Variants in COL9A1 observed in about 807,000 individuals in gnomAD.
COL9A1 encodes collagen type IX alpha 1 chain.
A neutral mutation model predicts 142.6 loss-of-function variants in COL9A1; 104 were observed. The observed-to-expected ratio is 0.73, with a 90% confidence interval of 0.62 to 0.86. The LOEUF (loss-of-function observed/expected upper bound fraction) is 0.86, where lower values mean the gene tolerates loss of function less well. Among genes scored for constraint, COL9A1 ranks in the 40% least tolerant of loss-of-function variants. The pLI, the probability that COL9A1 is intolerant of heterozygous loss-of-function variation, is 0.00. For missense variants in COL9A1, 1,210 were observed against 1,176.6 expected, an observed-to-expected ratio of 1.03 and a Z score of -0.42; for synonymous variants, 466 against 396.0, an observed-to-expected ratio of 1.18 and a Z score of -2.10.
chr6:70,240,544 A>G, intron 32 of COL9A1, 145 bp downstream of exon 32: 1 of 409,502 alleles, frequency 2.4e-6, no homozygotes, highest in Non-Finnish European at 4.4e-6. Context: ...ACCTTTAAAG[A>G]AGGCAGTGAG....
chr6:70,289,409 C>T (rs1773574760), intron 5 of COL9A1, among the ~76,000 whole-genome samples: 1 of 152,050 alleles, frequency 6.6e-6, no homozygotes, highest in Non-Finnish European at 1.5e-5. Flanking sequence ...TCTAGCTATC[C>T]ACAGCCCCTA....
chr6:70,260,691 C>G lies in COL9A1; in HGVS notation c.1415G>C (p.Gly472Ala). Residue 472 changes from glycine to alanine, a missense_variant, in exon 20 of 38, where the codon GGC becomes GCC. By Grantham distance (60) the Gly-to-Ala change is moderately conservative. Transcript: ENST00000357250. ...TTTGTCCCCAACTATGCCGGTGATG[C>G]CTCGCAAACCCTGGGCTCCCTGGAA... ...QGPPGAQGLR[G>A]ITGIVGDKGE... 2 of 1,613,886 alleles carry G rather than the reference C, an allele frequency of 1.2e-6. No individual in the cohort carries two copies. The highest frequency in any genetic ancestry group is 1.7e-5 in the Admixed American group (1 of 60,002).
At chr6:70,283,143 C>G in intron 6 of COL9A1, 2 of 1,526,050 alleles carry the variant, frequency 1.3e-6, no homozygotes, top group Non-Finnish European at 1.8e-6. Flanking sequence ...GGTGGCACTT[C>G]GTCCCTGCAG....
intron 17 of COL9A1, among the ~76,000 whole-genome samples, chr6:70,267,100 G>T (rs883707): frequency 0.039 from 5,912 of 152,198 alleles, 364 homozygotes; most frequent in African/African-American, 0.13. Flanking sequence ...GGAGCATTAA[G>T]TCTTCTCTAG....
intron 15 of COL9A1, 102 bp downstream of exon 15, chr6:70,270,212 G>T: frequency 8.4e-7 from 1 of 1,187,992 alleles, no homozygotes; most frequent in Non-Finnish European, 1.3e-6. Context: ...TGGAAATTTG[G>T]GACAATGACT....
chr6:70,281,379 T>C lies in COL9A1; in HGVS notation c.876+11A>G. The C allele has an allele frequency of 2.5e-6, 4 of 1,609,876 alleles. No individual in the cohort carries two copies. Among genetic ancestry groups the C allele is most frequent in the South Asian group, 1.1e-5 (1 of 90,864 alleles). On this transcript the variant is annotated intron_variant, in intron 8 of 37. Coordinates refer to ENST00000357250, the MANE Select transcript of COL9A1 (RefSeq NM_001851.6). The stretch of plus-strand genomic sequence containing the variant: ...CTGGGGAACAGAGGTGGCCTGGAGA[T>C]AGAAACTTACGTCGATGCCATCGAT...
intron 30 of COL9A1, 141 bp from the exon 31 acceptor site, chr6:70,241,595 A>G: frequency 2.7e-6 from 2 of 744,128 alleles, no homozygotes; most frequent in Non-Finnish European, 2.3e-6. Flanking sequence ...CCACCCAACA[A>G]GAATCAGGAC....
intron 15 of COL9A1, 137 bp downstream of exon 15, chr6:70,270,177 T>A: frequency 1.3e-6 from 1 of 782,736 alleles, no homozygotes; most frequent in Non-Finnish European, 2.2e-6. Context: ...TGCCCTTGAG[T>A]GCATGGAAAA....
chr6:70,280,036 T>C, intron 10 of COL9A1: 1 of 690,294 alleles, frequency 1.4e-6, no homozygotes, highest in Non-Finnish European at 2.7e-6. Context: ...TTATTACATA[T>C]TGTTAGAATG....
chr6:70,283,832 T>A lies in COL9A1; in HGVS notation c.697-12A>T. ...CATTGAAGTTCAAACTGGAGAAAGG[T>A]AGTAGACAGTCAGGTAAGGTTTTTT... On this transcript the variant is annotated splice_polypyrimidine_tract_variant and intron_variant, in intron 5 of 37. Transcript: ENST00000357250. 1 of 1,592,796 alleles carries A rather than the reference T, an allele frequency of 6.3e-7. No individual in the cohort carries two copies. The highest frequency in any genetic ancestry group is 8.6e-7 in the Non-Finnish European group (1 of 1,166,870).
intron 4 of COL9A1, among the ~76,000 whole-genome samples, chr6:70,299,634 C>G (rs1287421382): frequency 6.6e-6 from 1 of 152,220 alleles, no homozygotes. Flanking sequence ...ACGTGTGGCT[C>G]CATTTCAGCA....
chr6:70,228,236 A>G (rs1005228274), intron 36 of COL9A1, among the ~76,000 whole-genome samples: 1 of 152,160 alleles, frequency 6.6e-6, no homozygotes, highest in African/African-American at 2.4e-5. Flanking sequence ...TTTGCAAGAC[A>G]TTTACAAGAC....
At chr6:70,262,073 T>G (rs1771726144) in intron 19 of COL9A1, among the ~76,000 whole-genome samples, 1 of 152,184 alleles carries the variant, frequency 6.6e-6, no homozygotes. Flanking sequence ...TTTAGAATGT[T>G]GTTTGCAAAA....
intron 20 of COL9A1, among the ~76,000 whole-genome samples, chr6:70,258,245 T>A (rs1209668147): frequency 6.6e-6 from 1 of 152,172 alleles, no homozygotes; most frequent in Non-Finnish European, 1.5e-5. Flanking sequence ...AAAGGCATAA[T>A]GAGGCAGCCT....
In COL9A1 at chr6:70,255,164, G is replaced by A. The variant is rs2127576894; in HGVS notation, c.1597C>T (p.Pro533Ser). The A allele has an allele frequency of 6.2e-7, 1 of 1,614,154 alleles. No individual in the cohort carries two copies. The highest frequency in any genetic ancestry group is 8.5e-7 in the Non-Finnish European group (1 of 1,180,020). ...TCAGGACATACCGTGTCTCCTTTGG[G>A]CCCAGGGAGACCAGGAATTCCTCTA... ...GARGIPGLPG[P>S]KGDTGLPGVD... Residue 533 changes from proline to serine, a missense_variant, in exon 23 of 38, where the codon CCC becomes TCC. Coordinates refer to ENST00000357250, the MANE Select transcript of COL9A1 (RefSeq NM_001851.6).
intron 19 of COL9A1, among the ~76,000 whole-genome samples, chr6:70,262,040 T>A (rs1771725095): frequency 6.6e-6 from 1 of 152,078 alleles, no homozygotes; most frequent in South Asian, 2.1e-4. Context: ...CCAACATAGA[T>A]CCTTAATCCC....
At chr6:70,253,494 C>A in intron 25 of COL9A1, 65 bp from the exon 26 acceptor site, 2 of 1,099,918 alleles carry the variant, frequency 1.8e-6, no homozygotes, top group Non-Finnish European at 1.4e-6. Context: ...GATGCCAAGC[C>A]CACTGCACAC....
In COL9A1 at chr6:70,216,147, T is replaced by A. The variant is rs1241763765; in HGVS notation, c.*750A>T. On this transcript the variant is annotated 3_prime_UTR_variant, in exon 38 of 38. Coordinates refer to ENST00000357250, the MANE Select transcript of COL9A1 (RefSeq NM_001851.6). ...GAGATTAAGAAACCATATTTATTTC[T>A]TCTTTGGTACAACCAGAGATGTTAC... 3 of 152,668 alleles carry A rather than the reference T, an allele frequency of 2.0e-5. No homozygotes were observed. Among genetic ancestry groups the A allele is most frequent in the Admixed American group, 2.0e-4 (3 of 15,280 alleles). 9.5% of individuals were successfully genotyped at this position (152,668 alleles called of 1,614,324 possible).
chr6:70,292,864 C>T (rs1331017662), intron 5 of COL9A1, among the ~76,000 whole-genome samples: 2 of 152,118 alleles, frequency 1.3e-5, no homozygotes, highest in African/African-American at 2.4e-5. Flanking sequence ...GTAGTCCAAT[C>T]GGCTTTCTAA....
Sources: gnomAD v4.1 joint callset for allele counts (sites outside exome capture counted in the v4.1 genomes callset) on GRCh38, gnomAD v4.1.1 for gene constraint, MANE v1.5 for transcripts, NCBI Gene and HGNC (gene_info 2026-07-23, HGNC 2026-07-21) for gene names.